Variants in CDH12 observed in about 807,000 individuals in gnomAD.
The protein encoded by CDH12 is cadherin 12.
CDH12 carries 41 observed loss-of-function variants against 74.1 expected under a neutral mutation model. The observed-to-expected ratio is 0.55, with a 90% CI of 0.43 to 0.72. The LOEUF (loss-of-function observed/expected upper bound fraction) is 0.72. Ranked by LOEUF, CDH12 falls within the 30% of genes least tolerant of loss-of-function variation. The pLI is 0.00. For synonymous variants in CDH12, 399 were observed against 355.0 expected (o/e 1.12, Z -1.39); for missense variants, 945 against 977.2 (o/e 0.97, Z 0.44).
intron 3 of CDH12, among the ~76,000 whole-genome samples, chr5:22,399,445 G>T (rs974888687): frequency 1.3e-5 from 2 of 151,982 alleles, no homozygotes; most frequent in Non-Finnish European, 2.9e-5. Context: ...CAGTCCATAG[G>T]CCAGCAAACC....
intron 3 of CDH12, among the ~76,000 whole-genome samples, chr5:22,328,875 G>A (rs1000429210): frequency 1.3e-4 from 20 of 152,132 alleles, no homozygotes; most frequent in Admixed American, 1.1e-3. Flanking sequence ...TTTGCATAGG[G>A]CATTTCCCAA....
At position 22,078,706 on chromosome 5, in the gene CDH12, A is replaced by T; in HGVS notation, c.-30T>A. 2 of 1,608,454 alleles carry T rather than the reference A, an allele frequency of 1.2e-6. No homozygotes were observed. The highest frequency in any genetic ancestry group is 1.7e-6 in the Non-Finnish European group (2 of 1,176,814). ...AAAGGCTTTCCTACAGCAGAGTAATAAAAACTCCAACACTTAACGTAGAAT... is the reference window on the plus strand; with the variant it reads ...AAAGGCTTTCCTACAGCAGAGTAATTAAAACTCCAACACTTAACGTAGAAT... On this transcript the variant is annotated 5_prime_UTR_variant, in exon 5 of 15. Coordinates refer to ENST00000382254, the MANE Select transcript of CDH12 (RefSeq NM_004061.5).
At chr5:21,949,460 A>G (rs528647035) in intron 6 of CDH12, among the ~76,000 whole-genome samples, 1 of 151,998 alleles carries the variant, frequency 6.6e-6, no homozygotes, top group South Asian at 2.1e-4. Flanking sequence ...AAAAAAAAAA[A>G]AAAAAAAGAA....
intron 5 of CDH12, among the ~76,000 whole-genome samples, chr5:22,066,868 T>C (rs1159743123): frequency 6.6e-6 from 1 of 152,186 alleles, no homozygotes; most frequent in Non-Finnish European, 1.5e-5. Context: ...TGGATTATCA[T>C]AAGCTTAGTC....
chr5:21,873,483 A>G (rs1751756265), intron 6 of CDH12, among the ~76,000 whole-genome samples: 1 of 152,194 alleles, frequency 6.6e-6, no homozygotes, highest in Non-Finnish European at 1.5e-5. Flanking sequence ...AATTGACAAG[A>G]TTGTCACAGA....
intron 4 of CDH12, among the ~76,000 whole-genome samples, chr5:22,091,948 A>C (rs1374067754): frequency 6.6e-6 from 1 of 151,676 alleles, no homozygotes; most frequent in East Asian, 2.0e-4. Flanking sequence ...GGATTAAATT[A>C]GTCTTTTTTT....
At chr5:22,119,059 C>T (rs1451710138) in intron 4 of CDH12, among the ~76,000 whole-genome samples, 1 of 152,064 alleles carries the variant, frequency 6.6e-6, no homozygotes, top group East Asian at 1.9e-4. Flanking sequence ...TTCCTATGTA[C>T]ATCTCTTGGC....
chr5:22,494,730 T>C (rs1490611039), intron 2 of CDH12, among the ~76,000 whole-genome samples: 2 of 152,164 alleles, frequency 1.3e-5, no homozygotes, highest in African/African-American at 4.8e-5. Context: ...GCAGTGGCTC[T>C]AATAAAAGCT....
chr5:22,419,283 A>G (rs1743533058), intron 2 of CDH12, among the ~76,000 whole-genome samples: 1 of 151,964 alleles, frequency 6.6e-6, no homozygotes, highest in African/African-American at 2.4e-5. Flanking sequence ...TGCATTAGCT[A>G]TTTGTCTTGA....
At chr5:22,596,129 A>C (rs1303522744) in intron 1 of CDH12, among the ~76,000 whole-genome samples, 1 of 148,898 alleles carries the variant, frequency 6.7e-6, no homozygotes, top group East Asian at 2.0e-4. Flanking sequence ...AAAAATAAAA[A>C]ATAAAAATAA....
chr5:21,780,870 G>A (rs933983500), intron 11 of CDH12, among the ~76,000 whole-genome samples: 1 of 152,138 alleles, frequency 6.6e-6, no homozygotes, highest in African/African-American at 2.4e-5. Flanking sequence ...ATAAATGAAA[G>A]CATGAAATGA....
chr5:22,770,708 T>C (rs910042125), intron 1 of CDH12, among the ~76,000 whole-genome samples: 3 of 152,178 alleles, frequency 2.0e-5, no homozygotes, highest in Admixed American at 1.3e-4. Context: ...TTTTGTAGTG[T>C]TATTATCCCA....
At chr5:22,095,672 C>CT (rs1743718160) in intron 4 of CDH12, among the ~76,000 whole-genome samples, 1 of 151,868 alleles carries the variant, frequency 6.6e-6, no homozygotes, top group Non-Finnish European at 1.5e-5. Context: ...CCCCCAACCC[C>CT]TTCTCTCCGT....
At chr5:22,678,746 TA>T (rs1741341345) in intron 1 of CDH12, among the ~76,000 whole-genome samples, 1 of 152,144 alleles carries the variant, frequency 6.6e-6, no homozygotes, top group Non-Finnish European at 1.5e-5. Flanking sequence ...AAAATTCTAA[TA>T]ATGTACTTGT....
At chr5:21,962,696 T>A (rs920058347) in intron 6 of CDH12, among the ~76,000 whole-genome samples, 1 of 152,196 alleles carries the variant, frequency 6.6e-6, no homozygotes, top group Non-Finnish European at 1.5e-5. Context: ...CAGATCCTTT[T>A]GATCTGCCAT....
intron 3 of CDH12, among the ~76,000 whole-genome samples, chr5:22,289,150 G>A (rs1042597085): frequency 2.0e-5 from 3 of 152,180 alleles, no homozygotes; most frequent in Non-Finnish European, 4.4e-5. Flanking sequence ...CATTTTCTTT[G>A]AGCCTTGAGA....
At chr5:21,946,222 T>C (rs1052095477) in intron 6 of CDH12, among the ~76,000 whole-genome samples, 9 of 152,122 alleles carry the variant, frequency 5.9e-5, no homozygotes, top group African/African-American at 2.2e-4. Context: ...GAAAGAATGC[T>C]AAGGTAATGT....
At chr5:22,637,591 CA>C (rs948087121) in intron 1 of CDH12, among the ~76,000 whole-genome samples, 7 of 152,346 alleles carry the variant, frequency 4.6e-5, no homozygotes, top group African/African-American at 1.4e-4. Context: ...CAAAATGGCG[CA>C]GATTGCGCTT....
chr5:21,928,212 G>A (rs181005944), intron 6 of CDH12, among the ~76,000 whole-genome samples: 66 of 152,158 alleles, frequency 4.3e-4, no homozygotes, highest in Middle Eastern at 6.8e-3. Flanking sequence ...GGTTGTTCTG[G>A]AGAGAGACCT....
Sources: allele counts gnomAD v4.1 joint callset (sites outside exome capture counted in the v4.1 genomes callset), GRCh38; gene constraint gnomAD v4.1.1; transcripts MANE v1.5; gene names NCBI Gene and HGNC (gene_info 2026-07-23, HGNC 2026-07-21).